The following DOCK3 variants were observed in gnomAD, a reference collection of about 807,000 sequenced individuals.
The protein encoded by DOCK3 is dedicator of cytokinesis protein 3.
A neutral mutation model predicts 265.6 loss-of-function variants in DOCK3; 60 were observed. The observed-to-expected ratio is 0.23, with a 90% CI of 0.18 to 0.28. The LOEUF is 0.28. Ranked by LOEUF, DOCK3 falls within the 10% of genes least tolerant of loss-of-function variation. The probability of loss-of-function intolerance (pLI) is 1.00; values close to 1 mark genes in which losing one functional copy is unlikely to be tolerated. For missense variants in DOCK3, 1,981 were observed against 2,594.3 expected (o/e 0.76, Z 5.14); for synonymous variants, 881 against 938.0 (o/e 0.94, Z 1.11).
intron 3 of DOCK3, among the ~76,000 whole-genome samples, chr3:50,858,422 T>TATAATAATA (rs149503894): frequency 0.033 from 4,143 of 124,050 alleles, 189 homozygotes; most frequent in African/African-American, 0.094. Context: ...TAACTTAAAA[T>TATAATAATA]ATAATAATAA....
At chr3:51,153,585 G>A (rs1249646996) in intron 10 of DOCK3, among the ~76,000 whole-genome samples, 1 of 152,194 alleles carries the variant, frequency 6.6e-6, no homozygotes, top group Non-Finnish European at 1.5e-5. Flanking sequence ...CATCTTCTGC[G>A]TCGATCATGC....
intron 1 of DOCK3, among the ~76,000 whole-genome samples, chr3:50,714,476 T>A (rs927233037): frequency 1.3e-5 from 2 of 152,168 alleles, no homozygotes; most frequent in Admixed American, 6.5e-5. Flanking sequence ...TCTGACTACT[T>A]CTTTTATTTA....
chr3:50,922,850 T>A (rs957719595), intron 4 of DOCK3, among the ~76,000 whole-genome samples: 28 of 151,974 alleles, frequency 1.8e-4, no homozygotes, highest in African/African-American at 6.0e-4. Flanking sequence ...ATTTGTGAGA[T>A]TTTGGTGTAC....
At chr3:51,131,730 G>A (rs909377716) in intron 9 of DOCK3, among the ~76,000 whole-genome samples, 10 of 152,084 alleles carry the variant, frequency 6.6e-5, no homozygotes, top group Non-Finnish European at 1.0e-4. Context: ...CTTTGCCTCC[G>A]CTGTCCATTA....
chr3:50,802,937 T>A lies in DOCK3; in HGVS notation c.121+24179T>A, dbSNP rs184988082. Reference sequence around the variant, plus strand: ...AATACTTTATTCACATGATGGTGTTTCATAAATCCTGCAGGCTTTCTTCAT... The same window carrying A: ...AATACTTTATTCACATGATGGTGTTACATAAATCCTGCAGGCTTTCTTCAT... On this transcript the variant is annotated intron_variant, in intron 2 of 52. Coordinates refer to ENST00000266037, the MANE Select transcript of DOCK3 (RefSeq NM_004947.5). Among the ~76,000 whole-genome samples the A allele has an allele frequency of 2.5e-3, 381 of 152,122 alleles. 5 individuals are homozygous for A. The highest frequency in any genetic ancestry group is 8.5e-3 in the African/African-American group (355 of 41,572).
chr3:50,808,057 A>T (rs1207848776), intron 2 of DOCK3, among the ~76,000 whole-genome samples: 2 of 152,210 alleles, frequency 1.3e-5, no homozygotes, highest in African/African-American at 4.8e-5. Context: ...TATTTTAAAA[A>T]CACATTTTTT....
chr3:51,328,146 T>C (rs1433724696), intron 32 of DOCK3, among the ~76,000 whole-genome samples: 1 of 152,194 alleles, frequency 6.6e-6, no homozygotes, highest in Non-Finnish European at 1.5e-5. Context: ...AGATCTCTGG[T>C]AAAACTGCTG....
In DOCK3 at chr3:50,908,273, G is replaced by T. The variant is rs1031629275; in HGVS notation, c.218+18192G>T. Among the ~76,000 whole-genome samples the T allele has an allele frequency of 4.3e-5, 6 of 139,940 alleles. No homozygotes were observed. In the South Asian group the frequency reaches 1.1e-3, roughly 26 times the overall value. 91.8% of individuals were successfully genotyped at this position (139,940 alleles called of 152,430 possible). On this transcript the variant is annotated intron_variant, in intron 4 of 52. Transcript: ENST00000266037. ...ATTTCTTGCTTTCTACTAGCTTTGT[G>T]GTTTCTTTGCTCTTGATTCTACAGT... is the stretch of plus-strand genomic sequence containing the variant.
chr3:51,149,660 T>A (rs971038696), intron 10 of DOCK3, among the ~76,000 whole-genome samples: 7 of 152,214 alleles, frequency 4.6e-5, no homozygotes, highest in African/African-American at 1.7e-4. Flanking sequence ...TTGTGTATGT[T>A]GAACCAGCCT....
At chr3:51,331,329 CT>C (rs1211579487) in intron 33 of DOCK3, among the ~76,000 whole-genome samples, 1 of 152,126 alleles carries the variant, frequency 6.6e-6, no homozygotes, top group Non-Finnish European at 1.5e-5. Flanking sequence ...TTTAGTATTT[CT>C]TTTTTAGCCG....
At chr3:50,953,046 A>G (rs914663934) in intron 5 of DOCK3, among the ~76,000 whole-genome samples, 1 of 152,090 alleles carries the variant, frequency 6.6e-6, no homozygotes, top group Non-Finnish European at 1.5e-5. Flanking sequence ...CCATTCTCTG[A>G]CTTTCTAATC....
At chr3:51,370,059 A>C (rs2087558994) in intron 49 of DOCK3, among the ~76,000 whole-genome samples, 1 of 152,144 alleles carries the variant, frequency 6.6e-6, no homozygotes, top group African/African-American at 2.4e-5. Context: ...TGCATGCTGA[A>C]GATTTGTCAG....
chr3:50,889,851 G>A (rs1009204684), intron 3 of DOCK3, among the ~76,000 whole-genome samples, 175 bp from the exon 4 acceptor site: 4 of 152,058 alleles, frequency 2.6e-5, no homozygotes, highest in Non-Finnish European at 5.9e-5. Context: ...GCATATGGCC[G>A]TGAAATTCCT....
Position 50,719,820 on chromosome 3 carries a change from A to C in DOCK3, c.37+44520A>C, listed in dbSNP as rs1007907076. ...CATAAACTCTGGAATAATTCTGTGA[A>C]AGCAGGAACACTTATAACCAAATGC... On this transcript the variant is annotated intron_variant, in intron 1 of 52. Coordinates refer to ENST00000266037, the MANE Select transcript of DOCK3 (RefSeq NM_004947.5). 3.4e-5 allele frequency: 26 copies of C among 770,340 alleles called. No individual in the cohort carries two copies. In the African/African-American group the frequency reaches 3.4e-4, roughly 10 times the overall value. The allele number at this position is 770,340 out of a possible 1,614,324, so 47.7% of individuals were successfully genotyped here. A position where few individuals can be genotyped will look rare whatever the true frequency, so the allele number is the denominator to read the frequency against.
chr3:50,836,786 G>A (rs972418574), intron 2 of DOCK3, among the ~76,000 whole-genome samples: 1 of 152,182 alleles, frequency 6.6e-6, no homozygotes, highest in African/African-American at 2.4e-5. Flanking sequence ...TCAGGCTGCA[G>A]ATTTTCCAAA....
chr3:50,844,606 T>C (rs2045993881), intron 3 of DOCK3, among the ~76,000 whole-genome samples: 1 of 152,198 alleles, frequency 6.6e-6, no homozygotes, highest in African/African-American at 2.4e-5. Flanking sequence ...TTTTGTTCCC[T>C]GTATTATTTT....
chr3:51,290,939 G>A (rs1177147847), intron 27 of DOCK3, among the ~76,000 whole-genome samples: 17 of 152,060 alleles, frequency 1.1e-4, no homozygotes, highest in African/African-American at 1.9e-4. Context: ...TTAGCCAGGC[G>A]TGGTGGCGGG....
Position 51,037,943 on chromosome 3 carries a change from A to G in DOCK3, c.316-26505A>G, listed in dbSNP as rs975677124. ...TGTCAGCCAGAGGAGTAATTTTTAA[A>G]CAATTGAAACATAGAAAAAAGAAGG... On this transcript the variant is annotated intron_variant, in intron 5 of 52. Coordinates refer to ENST00000266037, the MANE Select transcript of DOCK3 (RefSeq NM_004947.5). Among the ~76,000 whole-genome samples, 5 of 152,296 alleles carry G rather than the reference A, an allele frequency of 3.3e-5. No homozygotes were observed. The East Asian group carries it at 7.7e-4, about 23-fold the overall frequency.
At position 50,976,011 on chromosome 3, in the gene DOCK3, C is replaced by T. The variant is rs1244996479; in HGVS notation, c.315+41934C>T. On this transcript the variant is annotated intron_variant, in intron 5 of 52. Transcript: ENST00000266037. Reference sequence around the variant, plus strand: ...ATATCCCCTTTATCATTTTTTATTGCGTCTATTTGATTCTTCTCTCTTTTT... The same window carrying T: ...ATATCCCCTTTATCATTTTTTATTGTGTCTATTTGATTCTTCTCTCTTTTT... 6.0e-5 allele frequency among the ~76,000 whole-genome samples: 9 copies of T among 150,774 alleles called. No homozygotes were observed. The South Asian group carries it at 6.4e-4, about 11-fold the overall frequency.
Sources: gnomAD v4.1 joint callset for allele counts (sites outside exome capture counted in the v4.1 genomes callset) on GRCh38, gnomAD v4.1.1 for gene constraint, MANE v1.5 for transcripts, NCBI Gene and HGNC (gene_info 2026-07-23, HGNC 2026-07-21) for gene names.